The following FILIP1L variants were observed in gnomAD, a reference collection of about 807,000 sequenced individuals.
The protein encoded by FILIP1L is filamin A-interacting protein 1-like.
Under a neutral mutation model 96.6 loss-of-function variants are expected in FILIP1L, and 55 were observed. The observed-to-expected ratio is 0.57, with a 90% CI of 0.46 to 0.71. The LOEUF is 0.71. Ranked by LOEUF, FILIP1L falls within the 30% of genes least tolerant of loss-of-function variation. The pLI is 0.00. For synonymous variants in FILIP1L, 467 were observed against 473.9 expected (o/e 0.99, Z 0.19); for missense variants, 1,304 against 1,321.2 (o/e 0.99, Z 0.20).
chr3:99,871,222 G>GC (rs1312223314), intron 4 of FILIP1L, among the ~76,000 whole-genome samples: 2 of 152,126 alleles, frequency 1.3e-5, no homozygotes, highest in African/African-American at 2.4e-5. Context: ...CCATATGGTT[G>GC]CTTTAAGTAG....
At chr3:99,915,185 C>T (rs904357419) in intron 4 of FILIP1L, among the ~76,000 whole-genome samples, 1 of 152,088 alleles carries the variant, frequency 6.6e-6, no homozygotes, top group Non-Finnish European at 1.5e-5. Context: ...TCTCCCATGA[C>T]CATGCTAACC....
At chr3:99,906,437 T>C (rs1389953727) in intron 4 of FILIP1L, among the ~76,000 whole-genome samples, 3 of 152,242 alleles carry the variant, frequency 2.0e-5, no homozygotes, top group Admixed American at 1.3e-4. Context: ...AGTCTTTTGT[T>C]GGTTATACAT....
At chr3:99,945,906 A>C (rs763660531) in intron 1 of FILIP1L, among the ~76,000 whole-genome samples, 6 of 152,240 alleles carry the variant, frequency 3.9e-5, no homozygotes, top group Admixed American at 6.5e-5. Flanking sequence ...TGGGCTTAGA[A>C]GTGCCACACA....
intron 1 of FILIP1L, among the ~76,000 whole-genome samples, chr3:100,028,283 T>C (rs1406751575): frequency 6.6e-6 from 1 of 152,190 alleles, no homozygotes; most frequent in African/African-American, 2.4e-5. Context: ...AGCTAACCTA[T>C]CAAACCCAGG....
chr3:99,858,049 G>A (rs560683208), intron 4 of FILIP1L, among the ~76,000 whole-genome samples: 6 of 152,234 alleles, frequency 3.9e-5, no homozygotes, highest in South Asian at 4.1e-4. Flanking sequence ...GCAGTAGTTC[G>A]TAACCTTTTA....
intron 1 of FILIP1L, among the ~76,000 whole-genome samples, chr3:100,063,585 A>G (rs1388768139): frequency 1.3e-5 from 2 of 152,152 alleles, no homozygotes; most frequent in Non-Finnish European, 2.9e-5. Flanking sequence ...AGATCTGAAT[A>G]CTTTCTCATC....
At position 99,839,056 on chromosome 3, in the gene FILIP1L, C is replaced by T. The variant is rs563689114; in HGVS notation, c.3382-8451G>A. 1.4e-4 allele frequency among the ~76,000 whole-genome samples: 21 copies of T among 152,256 alleles called. No homozygotes were observed. In the South Asian group the frequency reaches 4.4e-3, roughly 32 times the overall value. The stretch of plus-strand genomic sequence containing the variant: ...CCTCCTGCCTGCCCCCACACCTTTA[C>T]CTTGTGGGCACCTCTTTGGAGCACC... On this transcript the variant is annotated intron_variant, in intron 5 of 5. Transcript: ENST00000477258.
intron 1 of FILIP1L, among the ~76,000 whole-genome samples, chr3:100,012,886 A>G (rs1037717912): frequency 6.7e-6 from 1 of 150,262 alleles, no homozygotes; most frequent in African/African-American, 2.5e-5. Flanking sequence ...CAGTCCTCCC[A>G]TCTCAGCCTC....
At chr3:99,999,084 A>G (rs368214342) in intron 1 of FILIP1L, among the ~76,000 whole-genome samples, 6 of 152,324 alleles carry the variant, frequency 3.9e-5, no homozygotes, top group East Asian at 3.9e-4. Context: ...TCCGTCATAT[A>G]TATCTCAGTT....
intron 4 of FILIP1L, among the ~76,000 whole-genome samples, chr3:99,853,137 A>T (rs928760551): frequency 6.6e-6 from 1 of 152,212 alleles, no homozygotes; most frequent in Non-Finnish European, 1.5e-5. Flanking sequence ...TCAAATGGTC[A>T]TGGGACTTCT....
intron 1 of FILIP1L, among the ~76,000 whole-genome samples, chr3:100,034,597 C>T (rs1446865015): frequency 2.0e-5 from 3 of 152,174 alleles, no homozygotes. Flanking sequence ...TTTAAACATG[C>T]TTCCTTATCA....
chr3:100,004,354 A>C (rs922108421), intron 1 of FILIP1L, among the ~76,000 whole-genome samples: 1 of 152,162 alleles, frequency 6.6e-6, no homozygotes, highest in Non-Finnish European at 1.5e-5. Context: ...TTCTCTGTGT[A>C]TTGTGACAGG....
chr3:99,986,180 T>C (rs1709336205), intron 1 of FILIP1L, among the ~76,000 whole-genome samples: 2 of 152,356 alleles, frequency 1.3e-5, no homozygotes, highest in African/African-American at 2.4e-5. Context: ...CTCAAATATG[T>C]TCAAATTATA....
Position 99,833,126 on chromosome 3 carries a change from A to G in FILIP1L, c.3382-2521T>C. 4.3e-6 allele frequency: 4 copies of G among 922,314 alleles called. No individual in the cohort carries two copies. In the South Asian group the frequency reaches 5.9e-5, roughly 14 times the overall value. 57.1% of individuals were successfully genotyped at this position (922,314 alleles called of 1,614,324 possible). A position where few individuals can be genotyped will look rare whatever the true frequency, so the allele number is the denominator to read the frequency against. On this transcript the variant is annotated intron_variant, in intron 5 of 5. Coordinates refer to ENST00000477258, the MANE Select transcript of FILIP1L (RefSeq NM_001387850.1). ...CAGATGTCTTGGAGGAGATTAAGCA[A>G]GTTGGAAAGCTCATTCATAGAAGAA...
At chr3:99,881,537 C>CT (rs767566245) in intron 4 of FILIP1L, among the ~76,000 whole-genome samples, 12,104 of 144,820 alleles carry the variant, frequency 0.084, 530 homozygotes, top group Middle Eastern at 0.11. Flanking sequence ...CTCTCTCTCT[C>CT]TTTTTTTTTT....
chr3:99,871,504 T>G (rs899915997), intron 4 of FILIP1L, among the ~76,000 whole-genome samples: 1 of 152,148 alleles, frequency 6.6e-6, no homozygotes, highest in African/African-American at 2.4e-5. Flanking sequence ...AATAAATCAT[T>G]AATGAGTAAT....
intron 1 of FILIP1L, among the ~76,000 whole-genome samples, chr3:100,112,544 G>A (rs1230291006): frequency 6.6e-6 from 1 of 151,984 alleles, no homozygotes; most frequent in Non-Finnish European, 1.5e-5. Flanking sequence ...TAAAGCTTAA[G>A]CAAAAAAGAC....
intron 5 of FILIP1L, among the ~76,000 whole-genome samples, chr3:99,839,168 C>T (rs935283435): frequency 1.3e-5 from 2 of 152,158 alleles, no homozygotes; most frequent in African/African-American, 4.8e-5. Context: ...CCCCAAATCC[C>T]ACCTGAAAGT....
intron 1 of FILIP1L, among the ~76,000 whole-genome samples, chr3:99,985,212 A>G (rs1210991985): frequency 1.3e-5 from 2 of 152,182 alleles, no homozygotes; most frequent in South Asian, 2.1e-4. Context: ...GAAAACTGCA[A>G]TTGGTTCTCT....
Sources: allele counts gnomAD v4.1 joint callset (sites outside exome capture counted in the v4.1 genomes callset), GRCh38; gene constraint gnomAD v4.1.1; transcripts MANE v1.5; gene names NCBI Gene and HGNC (gene_info 2026-07-23, HGNC 2026-07-21).